The following AKAP13 variants were observed in gnomAD, a reference collection of about 807,000 sequenced individuals.
The protein encoded by AKAP13 is A-kinase anchor protein 13.
AKAP13 carries 80 observed loss-of-function variants against 264.5 expected under a neutral mutation model. The ratio of observed to expected loss-of-function variants is 0.30; its 90% CI spans 0.25 to 0.36. The LOEUF (loss-of-function observed/expected upper bound fraction) is 0.36. Ranked by LOEUF, AKAP13 falls within the 10% of genes least tolerant of loss-of-function variation. The pLI, the probability that AKAP13 is intolerant of heterozygous loss-of-function variation, is 1.00. For missense variants in AKAP13, 3,712 were observed against 3,435.2 expected (o/e 1.08, Z -2.01); for synonymous variants, 1,380 against 1,250.2 (o/e 1.10, Z -2.19).
chr15:85,652,500 A>G (rs338540), intron 10 of AKAP13, among the ~76,000 whole-genome samples: 44,999 of 152,068 alleles, frequency 0.3, 7,007 homozygotes, highest in African/African-American at 0.38. Flanking sequence ...CAGGCTTGTT[A>G]TACATTTTGC....
chr15:85,609,649 C>A (rs2080512863), intron 8 of AKAP13, among the ~76,000 whole-genome samples: 1 of 152,164 alleles, frequency 6.6e-6, no homozygotes, highest in Non-Finnish European at 1.5e-5. Flanking sequence ...CGGTGGTTTT[C>A]TTCTTGCATC....
chr15:85,674,131 G>A (rs891498684), intron 14 of AKAP13, among the ~76,000 whole-genome samples: 3 of 151,778 alleles, frequency 2.0e-5, no homozygotes, highest in African/African-American at 7.3e-5. Context: ...AATTGGACCC[G>A]TTAGACGTTT....
At chr15:85,648,699 C>T (rs1480980513) in intron 10 of AKAP13, among the ~76,000 whole-genome samples, 1 of 152,050 alleles carries the variant, frequency 6.6e-6, no homozygotes, top group African/African-American at 2.4e-5. Context: ...ATTAGCCAGA[C>T]ATGGTGGTGC....
intron 8 of AKAP13, among the ~76,000 whole-genome samples, chr15:85,631,014 A>C (rs966354390): frequency 2.0e-5 from 3 of 152,146 alleles, no homozygotes; most frequent in African/African-American, 7.2e-5. Context: ...AAAAAAAAAC[A>C]ACCACCCAGA....
At chr15:85,436,714 A>T (rs2073316743) in intron 1 of AKAP13, among the ~76,000 whole-genome samples, 1 of 151,030 alleles carries the variant, frequency 6.6e-6, no homozygotes, top group Admixed American at 6.6e-5. Context: ...CTCCTGAATG[A>T]CTACTGGGTA....
intron 27 of AKAP13, 121 bp from the exon 28 acceptor site, chr15:85,726,945 C>A: frequency 9.8e-7 from 1 of 1,015,318 alleles, no homozygotes. Context: ...CCTAAAGTAG[C>A]CCTTGTTTTT....
At chr15:85,575,408 C>A in intron 6 of AKAP13, 79 bp downstream of exon 6, 1 of 1,358,602 alleles carries the variant, frequency 7.4e-7, no homozygotes, top group Non-Finnish European at 1.0e-6. Context: ...CGCCCTCCTC[C>A]AATGAACCTT....
At chr15:85,574,192 G>C (rs1010409553) in intron 5 of AKAP13, among the ~76,000 whole-genome samples, 1 of 152,214 alleles carries the variant, frequency 6.6e-6, no homozygotes, top group African/African-American at 2.4e-5. Flanking sequence ...CTTAACACTT[G>C]AAATGCGTGC....
intron 5 of AKAP13, among the ~76,000 whole-genome samples, chr15:85,570,075 C>CAAAAAA (rs141206000): frequency 4.7e-4 from 39 of 83,500 alleles, no homozygotes; most frequent in Non-Finnish European, 7.7e-4. Flanking sequence ...GACTCCGTCT[C>CAAAAAA]AAAAAAAAAA....
chr15:85,678,083 C>G (rs1359246654), intron 14 of AKAP13, among the ~76,000 whole-genome samples: 1 of 152,124 alleles, frequency 6.6e-6, no homozygotes, highest in African/African-American at 2.4e-5. Flanking sequence ...TACAAGGTAT[C>G]AATTTTAGTA....
intron 18 of AKAP13, 175 bp from the exon 19 acceptor site, chr15:85,710,404 C>T (rs879345584): frequency 3.9e-5 from 21 of 544,036 alleles, no homozygotes; most frequent in South Asian, 1.7e-4. Flanking sequence ...CATTGGAGTA[C>T]GTGGCAGGCT....
chr15:85,721,003 C>A (rs2087248392), intron 23 of AKAP13, among the ~76,000 whole-genome samples: 1 of 152,222 alleles, frequency 6.6e-6, no homozygotes, highest in Non-Finnish European at 1.5e-5. Flanking sequence ...ACTTTTCCTC[C>A]TGAAACATCC....
At chr15:85,729,760 A>T (rs966722872) in intron 29 of AKAP13, among the ~76,000 whole-genome samples, 1 of 152,020 alleles carries the variant, frequency 6.6e-6, no homozygotes, top group African/African-American at 2.4e-5. Flanking sequence ...AACATGGTGA[A>T]ACACCATCTC....
At chr15:85,665,719 C>T (rs902430910) in intron 13 of AKAP13, among the ~76,000 whole-genome samples, 4 of 152,132 alleles carry the variant, frequency 2.6e-5, no homozygotes, top group African/African-American at 7.2e-5. Context: ...TGATGTTCCC[C>T]GCCCCGTGTC....
chr15:85,512,677 A>T (rs776487731), intron 2 of AKAP13, among the ~76,000 whole-genome samples: 2 of 152,192 alleles, frequency 1.3e-5, no homozygotes, highest in Non-Finnish European at 2.9e-5. Context: ...TAAAATGGAG[A>T]TAAAGATACC....
At chr15:85,600,839 T>G (rs1454683516) in intron 8 of AKAP13, among the ~76,000 whole-genome samples, 1 of 152,236 alleles carries the variant, frequency 6.6e-6, no homozygotes, top group Non-Finnish European at 1.5e-5. Context: ...CTTAGCATTG[T>G]GTCTGTGGCT....
intron 5 of AKAP13, among the ~76,000 whole-genome samples, chr15:85,574,892 TAAA>T (rs1159602272): frequency 6.6e-6 from 1 of 152,228 alleles, no homozygotes; most frequent in African/African-American, 2.4e-5. Context: ...TATCTTGATC[TAAA>T]GAACATTGTT....
chr15:85,713,845 G>A (rs2086766853), intron 19 of AKAP13, among the ~76,000 whole-genome samples: 1 of 152,114 alleles, frequency 6.6e-6, no homozygotes, highest in Non-Finnish European at 1.5e-5. Flanking sequence ...ACCTGTGAAT[G>A]GGACAGCAAG....
intron 1 of AKAP13, among the ~76,000 whole-genome samples, chr15:85,443,591 GGTAA>G (rs2073789218): frequency 6.6e-6 from 1 of 152,036 alleles, no homozygotes; most frequent in South Asian, 2.1e-4. Flanking sequence ...GTAACACAAT[GGTAA>G]GTATCTATAT....
Sources: allele counts gnomAD v4.1 joint callset (sites outside exome capture counted in the v4.1 genomes callset), GRCh38; gene constraint gnomAD v4.1.1; transcripts MANE v1.5; gene names NCBI Gene and HGNC (gene_info 2026-07-23, HGNC 2026-07-21).